Variants in SPEN observed in about 807,000 individuals in gnomAD.
The protein encoded by SPEN is spen family transcriptional repressor.
A neutral mutation model predicts 269.9 loss-of-function variants in SPEN; 18 were observed. The ratio of observed to expected loss-of-function variants is 0.07; its 90% CI spans 0.05 to 0.10. The LOEUF (loss-of-function observed/expected upper bound fraction) is 0.10, where lower values mean the gene tolerates loss of function less well. Ranked by LOEUF, SPEN falls within the 10% of genes least tolerant of loss-of-function variation. The pLI is 1.00. For synonymous variants in SPEN, 1,726 were observed against 1,765.7 expected, an observed-to-expected ratio of 0.98 and a Z score of 0.56; for missense variants, 3,822 against 4,631.2, an observed-to-expected ratio of 0.83 and a Z score of 5.07.
intron 1 of SPEN, among the ~76,000 whole-genome samples, chr1:15,858,436 G>A (rs1017086005): frequency 6.6e-6 from 1 of 152,052 alleles, no homozygotes; most frequent in Non-Finnish European, 1.5e-5. Flanking sequence ...TATTGCCACC[G>A]TGTAGTCCTC....
chr1:15,935,748 ACAGCCCCTGTGCAGT>A lies in SPEN; in HGVS notation c.9512_9526del (p.Ala3171_Ser3175del). 6.2e-7 allele frequency: 1 copy of A among 1,613,574 alleles called. No individual in the cohort carries two copies. Reference sequence around the variant, plus strand: ...TTATCACCTTCCTGTCGCTCGAGCCACAGCCCCTGTGCAGTCAGAGGTACTAGTCATGCAGTCTGA... The same window carrying A: ...TTATCACCTTCCTGTCGCTCGAGCCACAGAGGTACTAGTCATGCAGTCTGA... On this transcript the variant is annotated inframe_deletion, in exon 11 of 15. Transcript: ENST00000375759. The surrounding 1 kb of genome is among the most constrained non-coding windows in gnomAD (Gnocchi z 7.7).
chr1:15,877,702 G>T (rs142721100), intron 3 of SPEN, among the ~76,000 whole-genome samples: 3 of 150,738 alleles, frequency 2.0e-5, no homozygotes, highest in African/African-American at 7.3e-5. Flanking sequence ...AGTAATCTAG[G>T]ATAAGTTATT....
intron 1 of SPEN, among the ~76,000 whole-genome samples, chr1:15,859,741 T>C (rs1318513243): frequency 6.6e-6 from 1 of 152,034 alleles, no homozygotes; most frequent in African/African-American, 2.4e-5. Context: ...ATTGGATTGA[T>C]TTGAAATTTG....
At position 15,935,730 on chromosome 1, in the gene SPEN, C is replaced by T. The variant is rs1340812093; in HGVS notation, c.9490C>T (p.Leu3164Phe). 1 of 1,613,298 alleles carries T rather than the reference C, an allele frequency of 6.2e-7. No homozygotes were observed. The highest frequency in any genetic ancestry group is 1.1e-5 in the South Asian group (1 of 91,054). ...TCCCGAGGAGGAAGTGCATTATCAC[C>T]TTCCTGTCGCTCGAGCCACAGCCCC... ...HPPEEEVHYH[L>F]PVARATAPVQ... The change falls in exon 11 of 15, where the codon CTT (leucine) becomes TTT (phenylalanine). Residue 3164 changes from leucine to phenylalanine, a missense_variant. Physicochemically the swap from Leu to Phe is conservative, Grantham distance 22 (BLOSUM62 0). Around this residue, in one of 16 missense-constraint regions of SPEN, gnomAD observed 153 missense variants for 228.5 expected, o/e 0.67. Coordinates refer to ENST00000375759, the MANE Select transcript of SPEN (RefSeq NM_015001.3). The surrounding 1 kb of genome is among the most constrained non-coding windows in gnomAD (Gnocchi z 7.7).
chr1:15,912,631 CAT>C (rs1348785271), intron 5 of SPEN, among the ~76,000 whole-genome samples: 1 of 152,086 alleles, frequency 6.6e-6, no homozygotes, highest in Non-Finnish European at 1.5e-5. Flanking sequence ...TACAATGAAA[CAT>C]AACAATTCAA....
rs1462210106 is a variant in SPEN at position 15,930,958 on chromosome 1, C to T, written c.4718C>T (p.Thr1573Ile). 2.5e-6 allele frequency: 4 copies of T among 1,614,038 alleles called. No individual in the cohort carries two copies. The highest frequency in any genetic ancestry group is 1.3e-5 in the African/African-American group (1 of 74,912). Residue 1573 changes from threonine to isoleucine, a missense_variant, in exon 11 of 15, where the codon ACT becomes ATT. This residue lies in a region of SPEN where 533 missense variants were observed against 618.8 expected (regional missense o/e 0.86). Transcript: ENST00000375759. This position sits in a 1 kb window ranked among gnomAD's most constrained non-coding sequence, Gnocchi z 5.3. ...ACATCTGAGGGAGCAAACAGCACAACTGATTCCATTCAAGAACCAGTAGTT... is the reference window on the plus strand; with the variant it reads ...ACATCTGAGGGAGCAAACAGCACAATTGATTCCATTCAAGAACCAGTAGTT... ...KQTSEGANST[T>I]DSIQEPVVLF...
In SPEN at chr1:15,864,080, A is replaced by T. The variant is rs188810801; in HGVS notation, c.84-8736A>T. On this transcript the variant is annotated intron_variant, in intron 1 of 14. Transcript: ENST00000375759. Reference sequence around the variant, plus strand: ...GTGAAATAAGCCAGTTAACAAAAGAAGGAAAAGTGGACTGTATGATATACA... The same window carrying T: ...GTGAAATAAGCCAGTTAACAAAAGATGGAAAAGTGGACTGTATGATATACA... Among the ~76,000 whole-genome samples, 440 of 152,326 alleles carry T rather than the reference A, an allele frequency of 2.9e-3. 6 individuals are homozygous for T. Among genetic ancestry groups the T allele is most frequent in the African/African-American group, 0.01 (425 of 41,576 alleles).
In SPEN at chr1:15,930,191, A is replaced by G. The variant is rs777865136; in HGVS notation, c.3951A>G (p.Arg1317=). 1.6e-5 allele frequency: 26 copies of G among 1,614,056 alleles called. No homozygotes were observed. Among genetic ancestry groups the G allele is most frequent in the Non-Finnish European group, 2.0e-5 (24 of 1,180,042 alleles). The change falls in exon 11 of 15, where the codon AGA becomes AGG. Residue 1317 remains arginine (R), a synonymous_variant. Transcript: ENST00000375759. This position sits in a 1 kb window ranked among gnomAD's most constrained non-coding sequence, Gnocchi z 5.3. ...TTAATCCTTATGATTCTAGCAGGAG[A>G]GAACAGATGGCAGATATGGCCAAAA... ...LKFNPYDSSR[R]EQMADMAKIK... is the part of the protein sequence containing the mutation.
intron 3 of SPEN, among the ~76,000 whole-genome samples, chr1:15,894,512 T>G (rs1016422662): frequency 2.1e-4 from 31 of 150,242 alleles, no homozygotes; most frequent in African/African-American, 7.4e-4. Flanking sequence ...GGACAGTAGA[T>G]CCTAAAACTA....
chr1:15,920,937 C>T lies in SPEN; in HGVS notation c.1703C>T (p.Ala568Val), dbSNP rs1454664307. The part of the protein sequence containing the change: ...LYNEIEYAQA[A>V]VKETKGRKIG... The stretch of plus-strand genomic sequence containing the variant: ...AATGAAATTGAATATGCACAAGCAG[C>T]TGTAAAAGAGACCAAAGGGAGGAAA... Residue 568 changes from alanine to valine, a missense_variant, in exon 9 of 15, where the codon GCT (alanine) becomes GTT (valine). Transcript: ENST00000375759. 1.2e-6 allele frequency: 2 copies of T among 1,612,912 alleles called. No homozygotes were observed. The highest frequency in any genetic ancestry group is 2.2e-5 in the East Asian group (1 of 44,748).
intron 4 of SPEN, among the ~76,000 whole-genome samples, chr1:15,910,157 T>A (rs1291977475): frequency 1.3e-5 from 2 of 150,442 alleles, no homozygotes; most frequent in African/African-American, 4.9e-5. Context: ...AAAAATTATT[T>A]ACTAAAATAG....
At chr1:15,891,277 C>T (rs2070785128) in intron 3 of SPEN, among the ~76,000 whole-genome samples, 1 of 152,046 alleles carries the variant, frequency 6.6e-6, no homozygotes, top group Non-Finnish European at 1.5e-5. Flanking sequence ...ACCTTGAACT[C>T]CTGGGCTCAA....
Position 15,940,152 on chromosome 1 carries a change from G to T in SPEN, c.*725G>T. 4.4e-6 allele frequency: 1 copy of T among 225,552 alleles called. No individual in the cohort carries two copies. The highest frequency in any genetic ancestry group is 8.8e-6 in the Non-Finnish European group (1 of 113,570). 14.0% of individuals were successfully genotyped at this position (225,552 alleles called of 1,614,324 possible). Reference sequence around the variant, plus strand: ...ACTGACTTAAAAAATCAAATCCCCCGACATACGTTTTTTTTAATCTGTGCC... The same window carrying T: ...ACTGACTTAAAAAATCAAATCCCCCTACATACGTTTTTTTTAATCTGTGCC... On this transcript the variant is annotated 3_prime_UTR_variant, in exon 15 of 15. Coordinates refer to ENST00000375759, the MANE Select transcript of SPEN (RefSeq NM_015001.3).
chr1:15,891,660 T>G (rs1451522962), intron 3 of SPEN, among the ~76,000 whole-genome samples: 1 of 152,018 alleles, frequency 6.6e-6, no homozygotes, highest in African/African-American at 2.4e-5. Flanking sequence ...TTGTTTTTTG[T>G]TTTTTGTTTT....
At chr1:15,921,138 G>A (rs1216528527) in intron 9 of SPEN, among the ~76,000 whole-genome samples, 155 bp downstream of exon 9, 2 of 152,172 alleles carry the variant, frequency 1.3e-5, no homozygotes, top group Non-Finnish European at 2.9e-5. Flanking sequence ...CCAGCCTGAT[G>A]AACATGGTGA....
At chr1:15,874,498 T>TC (rs1321497804) in intron 2 of SPEN, 1 of 858,416 alleles carries the variant, frequency 1.2e-6, no homozygotes, top group East Asian at 5.7e-5. Context: ...TAATAGTGAA[T>TC]CAGAGAATAG....
Position 15,931,898 on chromosome 1 carries a change from C to A in SPEN, c.5658C>A (p.Asp1886Glu). ...TRTASKNSAA[D>E]LEHPEPSLPL... ...CTGCTTCTAAAAACTCTGCTGCAGA[C>A]CTTGAACATCCCGAACCAAGTTTGC... The change falls in exon 11 of 15, where the codon GAC becomes GAA. Residue 1886 changes from aspartate to glutamate, a missense_variant. Asp to Glu is a conservative substitution (Grantham distance 45). Coordinates refer to ENST00000375759, the MANE Select transcript of SPEN (RefSeq NM_015001.3). The surrounding 1 kb of genome is among the most constrained non-coding windows in gnomAD (Gnocchi z 4.8). 1 of 1,614,216 alleles carries A rather than the reference C, an allele frequency of 6.2e-7. No homozygotes were observed. The highest frequency in any genetic ancestry group is 8.5e-7 in the Non-Finnish European group (1 of 1,180,042).
rs763123022 is a variant in SPEN, at chr1:15,933,658, C to T, written c.7418C>T (p.Pro2473Leu). 1.2e-6 allele frequency: 2 copies of T among 1,614,030 alleles called. No homozygotes were observed. The highest frequency in any genetic ancestry group is 2.2e-5 in the East Asian group (1 of 44,886). The change falls in exon 11 of 15, where the codon CCT (proline) becomes CTT (leucine). Residue 2473 changes from proline to leucine, a missense_variant. By Grantham distance (98) the Pro-to-Leu change is moderately conservative (BLOSUM62 -3). Coordinates refer to ENST00000375759, the MANE Select transcript of SPEN (RefSeq NM_015001.3). The surrounding 1 kb of genome is among the most constrained non-coding windows in gnomAD (Gnocchi z 5.7). ...CCAAGCATCCCCATACCCACACTGC[C>T]TTCTGTAACTGCAGCAAAGCTCTCA... ...SDPSIPIPTL[P>L]SVTAAKLSPP...
intron 1 of SPEN, among the ~76,000 whole-genome samples, chr1:15,862,856 G>C (rs1045333765): frequency 1.3e-5 from 2 of 151,762 alleles, no homozygotes; most frequent in African/African-American, 4.8e-5. Context: ...CCGCCTCCCA[G>C]GTTCACGCCA....
Sources: allele counts gnomAD v4.1 joint callset (sites outside exome capture counted in the v4.1 genomes callset), GRCh38; gene constraint gnomAD v4.1.1; regional missense constraint gnomAD v4.1.1; non-coding constraint Gnocchi (gnomAD v3.1); transcripts MANE v1.5; gene names NCBI Gene and HGNC (gene_info 2026-07-23, HGNC 2026-07-21).